SLCO1B1: variants seen among roughly 807,000 people sequenced by gnomAD.
SLCO1B1 encodes solute carrier organic anion transporter family member 1B1, also known as OATP-2.
SLCO1B1 carries 81 observed loss-of-function variants against 70.1 expected under a neutral mutation model. The ratio of observed to expected loss-of-function variants is 1.16; its 90% CI spans 0.97 to 1.39. The LOEUF is 1.39. Among genes scored for constraint, SLCO1B1 ranks in the 40% most tolerant of loss-of-function variants. SLCO1B1 has a pLI of 0.00. For missense variants in SLCO1B1, 895 were observed against 799.6 expected, an observed-to-expected ratio of 1.12 and a Z score of -1.44; for synonymous variants, 283 against 271.5, an observed-to-expected ratio of 1.04 and a Z score of -0.42.
At chr12:21,212,923 C>G (rs1174904384) in intron 11 of SLCO1B1, among the ~76,000 whole-genome samples, 1 of 151,924 alleles carries the variant, frequency 6.6e-6, no homozygotes, top group African/African-American at 2.4e-5. Flanking sequence ...CTTGGTAGAT[C>G]TTCCTCCATC....
chr12:21,216,809 AATT>A (rs1176173818), intron 11 of SLCO1B1, among the ~76,000 whole-genome samples: 3 of 152,166 alleles, frequency 2.0e-5, no homozygotes, highest in African/African-American at 7.2e-5. Flanking sequence ...AATGGAAAAT[AATT>A]ATTAAAGAGA....
intron 4 of SLCO1B1, among the ~76,000 whole-genome samples, chr12:21,175,870 T>TTC (rs2121103410): frequency 6.6e-6 from 1 of 152,234 alleles, no homozygotes; most frequent in South Asian, 2.1e-4. Context: ...TCATCTTCCA[T>TTC]TCTACCCTAA....
At chr12:21,178,439 G>A (rs1275724860) in intron 5 of SLCO1B1, 137 bp from the exon 6 acceptor site, 16 of 650,910 alleles carry the variant, frequency 2.5e-5, no homozygotes, top group Non-Finnish European at 4.0e-5. Flanking sequence ...GTCAAAGTTT[G>A]CAAAGTGAAT....
rs111247420 is a variant in SLCO1B1 at position 21,139,491 on chromosome 12, G to A, written c.-61-2023G>A. On this transcript the variant is annotated intron_variant, in intron 1 of 14. Transcript: ENST00000256958. ...ACATATATGTAAGTGATAATATCCT[G>A]TTTGTTACTTCCACATTTATGCACT... is the stretch of plus-strand genomic sequence containing the variant. 9.2e-5 allele frequency among the ~76,000 whole-genome samples: 14 copies of A among 152,074 alleles called. 1 individual carries two copies. Among genetic ancestry groups the A allele is most frequent in the Admixed American group, 3.3e-4 (5 of 15,258 alleles).
chr12:21,215,037 G>T lies in SLCO1B1; in HGVS notation c.1498-2082G>T, dbSNP rs555670104. On this transcript the variant is annotated intron_variant, in intron 11 of 14. Transcript: ENST00000256958. ...ATCACCCGTCTTCTGCGTCGCTCAC[G>T]CTGGGAGCTGTAGACCGGAGCTGTT... Among the ~76,000 whole-genome samples the T allele has an allele frequency of 7.9e-5, 12 of 152,308 alleles. No homozygotes were observed. In the South Asian group the frequency reaches 2.5e-3, roughly 32 times the overall value.
At chr12:21,163,523 G>C (rs1019088872) in intron 2 of SLCO1B1, among the ~76,000 whole-genome samples, 9 of 152,120 alleles carry the variant, frequency 5.9e-5, no homozygotes, top group African/African-American at 2.2e-4. Context: ...TGGTGTCTTA[G>C]TCAATTCAGG....
chr12:21,197,189 G>T lies in SLCO1B1; in HGVS notation c.970+1G>T, dbSNP rs763360503. The T allele has an allele frequency of 1.2e-6, 2 of 1,612,504 alleles. No homozygotes were observed. Among genetic ancestry groups the T allele is most frequent in the Admixed American group, 1.7e-5 (1 of 59,958 alleles). Reference sequence around the variant, plus strand: ...AAAAATATTACCAAAAATGTGACTGGTAAGTATTTAACATTCATTGTCAAT... The same window carrying T: ...AAAAATATTACCAAAAATGTGACTGTTAAGTATTTAACATTCATTGTCAAT... On this transcript the variant is annotated splice_donor_variant, in intron 8 of 14. Coordinates refer to ENST00000256958, the MANE Select transcript of SLCO1B1 (RefSeq NM_006446.5). LOFTEE classifies it high-confidence loss of function.
At chr12:21,182,232 A>T (rs548485187) in intron 7 of SLCO1B1, among the ~76,000 whole-genome samples, 2 of 152,230 alleles carry the variant, frequency 1.3e-5, no homozygotes, top group South Asian at 2.1e-4. Context: ...TGGCAGTGGG[A>T]CAGCCTACTC....
At chr12:21,137,821 G>T (rs760404357) in intron 1 of SLCO1B1, among the ~76,000 whole-genome samples, 5 of 152,168 alleles carry the variant, frequency 3.3e-5, no homozygotes, top group African/African-American at 7.2e-5. Context: ...TTTGGCTTGC[G>T]CACGGTGCGC....
At chr12:21,142,796 A>G (rs938316078) in intron 2 of SLCO1B1, among the ~76,000 whole-genome samples, 5 of 152,088 alleles carry the variant, frequency 3.3e-5, no homozygotes, top group African/African-American at 1.2e-4. Flanking sequence ...CAGTAATTTC[A>G]CTGACATGTG....
At chr12:21,184,091 G>T (rs1310215961) in intron 7 of SLCO1B1, among the ~76,000 whole-genome samples, 3 of 152,042 alleles carry the variant, frequency 2.0e-5, no homozygotes, top group Non-Finnish European at 2.9e-5. Context: ...TAGGAATTTG[G>T]TTTCCTTCTG....
intron 2 of SLCO1B1, among the ~76,000 whole-genome samples, chr12:21,170,895 A>C (rs1305187410): frequency 6.6e-6 from 1 of 152,224 alleles, no homozygotes; most frequent in Non-Finnish European, 1.5e-5. Flanking sequence ...CTGTCCCCCA[A>C]ACATGGCCTA....
At chr12:21,234,159 T>G (rs1032432771) in intron 14 of SLCO1B1, among the ~76,000 whole-genome samples, 1 of 152,130 alleles carries the variant, frequency 6.6e-6, no homozygotes, top group Non-Finnish European at 1.5e-5. Flanking sequence ...TCAAGAGTTC[T>G]GATTGGTCAG....
At chr12:21,136,089 A>T (rs1439256254) in intron 1 of SLCO1B1, among the ~76,000 whole-genome samples, 1 of 152,080 alleles carries the variant, frequency 6.6e-6, no homozygotes, top group Admixed American at 6.5e-5. Context: ...TTCACTTATG[A>T]AGCTTCGTTT....
chr12:21,141,486 ATAAAC>A (rs1202529529), intron 1 of SLCO1B1, 23 bp from the exon 2 acceptor site: 9 of 739,812 alleles, frequency 1.2e-5, no homozygotes, highest in Non-Finnish European at 2.1e-5. Flanking sequence ...TAAAAATAAA[ATAAAC>A]TATACTTTTT....
chr12:21,237,586 T>A (rs1941607823), intron 14 of SLCO1B1, among the ~76,000 whole-genome samples: 1 of 152,210 alleles, frequency 6.6e-6, no homozygotes, highest in Admixed American at 6.5e-5. Flanking sequence ...TAATAACTTA[T>A]TTGTATATTT....
chr12:21,160,406 G>T (rs1198835580), intron 2 of SLCO1B1, among the ~76,000 whole-genome samples: 1 of 151,844 alleles, frequency 6.6e-6, no homozygotes, highest in Middle Eastern at 3.4e-3. Context: ...AGTGATTCTG[G>T]GATAACTAGC....
intron 14 of SLCO1B1, among the ~76,000 whole-genome samples, chr12:21,236,399 C>T (rs1039096603): frequency 2.6e-5 from 4 of 152,110 alleles, no homozygotes; most frequent in African/African-American, 9.7e-5. Context: ...ATGGAGAATC[C>T]TCAGGCAGGG....
At chr12:21,183,645 A>G (rs1459158356) in intron 7 of SLCO1B1, among the ~76,000 whole-genome samples, 3 of 152,228 alleles carry the variant, frequency 2.0e-5, no homozygotes, top group Non-Finnish European at 2.9e-5. Context: ...CCATTCCTTC[A>G]AGATGAAAAA....
Sources: gnomAD v4.1 joint callset for allele counts (sites outside exome capture counted in the v4.1 genomes callset) on GRCh38, gnomAD v4.1.1 for gene constraint, MANE v1.5 for transcripts, NCBI Gene and HGNC (gene_info 2026-07-23, HGNC 2026-07-21) for gene names.